Variants in PICALM observed in about 807,000 individuals in gnomAD.
PICALM encodes the protein phosphatidylinositol-binding clathrin assembly protein.
A neutral mutation model predicts 80.5 loss-of-function variants in PICALM; 40 were observed. That is an observed-to-expected ratio of 0.50 (90% confidence interval 0.39 to 0.65). The LOEUF is 0.65. Ranked by LOEUF, PICALM falls within the 30% of genes least tolerant of loss-of-function variation. The pLI is 0.00. For missense variants in PICALM, 676 were observed against 778.9 expected (o/e 0.87, Z 1.57); for synonymous variants, 288 against 260.3 (o/e 1.11, Z -1.02).
At chr11:86,015,018 T>A (rs979338727) in intron 4 of PICALM, 55 bp from the exon 5 acceptor site, 2 of 1,025,374 alleles carry the variant, frequency 2.0e-6, no homozygotes, top group Admixed American at 2.4e-5. Flanking sequence ...AAATCTACAT[T>A]TCAAACTCCC....
chr11:86,006,684 T>C (rs1250581076), intron 8 of PICALM, among the ~76,000 whole-genome samples: 3 of 152,024 alleles, frequency 2.0e-5, no homozygotes, highest in Non-Finnish European at 4.4e-5. Context: ...CCTGGAATAA[T>C]TCAAAACAAG....
intron 1 of PICALM, among the ~76,000 whole-genome samples, chr11:86,057,589 G>C (rs1026678294): frequency 3.3e-5 from 5 of 151,358 alleles, no homozygotes; most frequent in Non-Finnish European, 5.9e-5. Flanking sequence ...AAAAAATTAT[G>C]TGTGTGTGTG....
At chr11:86,007,634 A>C (rs2095305793) in intron 7 of PICALM, 51 bp from the exon 8 acceptor site, 1 of 853,284 alleles carries the variant, frequency 1.2e-6, no homozygotes, top group African/African-American at 1.8e-5. Flanking sequence ...TATTTTATAA[A>C]TAAAATTTGG....
At chr11:86,051,824 G>C (rs1208864513) in intron 1 of PICALM, among the ~76,000 whole-genome samples, 1 of 152,138 alleles carries the variant, frequency 6.6e-6, no homozygotes, top group Non-Finnish European at 1.5e-5. Flanking sequence ...CTGACCTCTA[G>C]TCAAGGTTCT....
chr11:85,976,829 T>A lies in PICALM; in HGVS notation c.1780-147A>T, dbSNP rs532995113. The stretch of plus-strand genomic sequence containing the variant: ...ACTTGTGATCATTAAGAACTGTCGA[T>A]TAATGGTCAGTGAAAAAAAGTGTTT... On this transcript the variant is annotated intron_variant, in intron 17 of 19. Transcript: ENST00000393346. The A allele has an allele frequency of 4.9e-5, 27 of 549,824 alleles. No homozygotes were observed. The East Asian group carries it at 7.8e-4, about 16-fold the overall frequency. 34.1% of individuals were successfully genotyped at this position (549,824 alleles called of 1,614,324 possible). A position where few individuals can be genotyped will look rare whatever the true frequency, so the allele number is the denominator to read the frequency against.
chr11:85,999,236 A>G (rs1334553080), intron 11 of PICALM, among the ~76,000 whole-genome samples: 1 of 152,240 alleles, frequency 6.6e-6, no homozygotes, highest in Non-Finnish European at 1.5e-5. Flanking sequence ...TTTTAGATGT[A>G]CAATAGTTGT....
chr11:85,979,158 T>C (rs1165029504), intron 17 of PICALM, among the ~76,000 whole-genome samples: 3 of 152,208 alleles, frequency 2.0e-5, no homozygotes, highest in Admixed American at 6.5e-5. Context: ...TATTTGTGTG[T>C]ATAAAAATCT....
intron 19 of PICALM, among the ~76,000 whole-genome samples, chr11:85,966,169 T>C (rs1284454765): frequency 4.0e-5 from 6 of 151,768 alleles, no homozygotes; most frequent in Non-Finnish European, 5.9e-5. Flanking sequence ...CTGGGAGCAT[T>C]CCACTTTGAA....
intron 19 of PICALM, among the ~76,000 whole-genome samples, chr11:85,959,633 C>CAAAAAAA (rs1161064257): frequency 6.6e-5 from 3 of 45,198 alleles, no homozygotes; most frequent in African/African-American, 9.8e-5. Context: ...AACTCCATCT[C>CAAAAAAA]AAAAAAAAAA....
chr11:85,963,653 CCTCCTCCACTA>C (rs1470668258), intron 19 of PICALM, among the ~76,000 whole-genome samples: 1 of 152,164 alleles, frequency 6.6e-6, no homozygotes, highest in African/African-American at 2.4e-5. Flanking sequence ...TTCCTTCTCC[CCTCCTCCACTA>C]CTCTAATCAA....
chr11:86,019,030 A>G (rs1367738248), intron 4 of PICALM, among the ~76,000 whole-genome samples: 1 of 152,148 alleles, frequency 6.6e-6, no homozygotes, highest in Admixed American at 6.5e-5. Flanking sequence ...TTATATACAT[A>G]TTTCTATTTA....
At chr11:86,008,952 C>CAAAAAAAAAA (rs59740555) in intron 7 of PICALM, among the ~76,000 whole-genome samples, 4 of 62,822 alleles carry the variant, frequency 6.4e-5, no homozygotes, top group East Asian at 1.7e-3. Flanking sequence ...AAAAAAAAGC[C>CAAAAAAAAAA]AAAAAAAAAA....
At chr11:86,021,684 G>C (rs1429792627) in intron 4 of PICALM, among the ~76,000 whole-genome samples, 1 of 151,984 alleles carries the variant, frequency 6.6e-6, no homozygotes, top group Non-Finnish European at 1.5e-5. Context: ...TCCACTTCTA[G>C]GTATACACCG....
intron 19 of PICALM, 119 bp downstream of exon 19, chr11:85,974,589 T>A: frequency 1.3e-6 from 1 of 750,360 alleles, no homozygotes; most frequent in Non-Finnish European, 2.5e-6. Flanking sequence ...GCAAGCAATA[T>A]CCATAATGAA....
chr11:86,058,171 T>C (rs944581909), intron 1 of PICALM, among the ~76,000 whole-genome samples: 1 of 112,298 alleles, frequency 8.9e-6, no homozygotes, highest in Non-Finnish European at 1.9e-5. Flanking sequence ...ATTTAAAATA[T>C]GGCACACATT....
chr11:86,061,631 A>G (rs1434320304), intron 1 of PICALM, among the ~76,000 whole-genome samples: 1 of 152,106 alleles, frequency 6.6e-6, no homozygotes, highest in Non-Finnish European at 1.5e-5. Flanking sequence ...GTGAACAGAA[A>G]CTCCCATTCA....
At chr11:86,038,463 A>T (rs563969049) in intron 1 of PICALM, among the ~76,000 whole-genome samples, 1 of 152,252 alleles carries the variant, frequency 6.6e-6, no homozygotes, top group Admixed American at 6.5e-5. Context: ...AGCCTTAAGG[A>T]ATCTCCAGAC....
At chr11:86,016,856 A>G (rs2095488013) in intron 4 of PICALM, among the ~76,000 whole-genome samples, 1 of 152,210 alleles carries the variant, frequency 6.6e-6, no homozygotes, top group Admixed American at 6.5e-5. Context: ...AAAATATTTC[A>G]TTCTGGAACA....
At chr11:86,067,978 G>A (rs1311724433) in intron 1 of PICALM, among the ~76,000 whole-genome samples, 1 of 152,140 alleles carries the variant, frequency 6.6e-6, no homozygotes, top group African/African-American at 2.4e-5. Context: ...CCACAAAGAA[G>A]GTAATCTGAA....
Sources: gnomAD v4.1 joint callset for allele counts (sites outside exome capture counted in the v4.1 genomes callset) on GRCh38, gnomAD v4.1.1 for gene constraint, MANE v1.5 for transcripts, NCBI Gene and HGNC (gene_info 2026-07-23, HGNC 2026-07-21) for gene names.